UTRN: variants seen among roughly 807,000 people sequenced by gnomAD.
UTRN encodes the protein dystrophin-related protein 1.
UTRN carries 283 observed loss-of-function variants against 463.9 expected under a neutral mutation model. The ratio of observed to expected loss-of-function variants is 0.61; its 90% CI spans 0.55 to 0.67. The LOEUF (loss-of-function observed/expected upper bound fraction) is 0.67, where lower values mean the gene tolerates loss of function less well. Among genes scored for constraint, UTRN ranks in the 30% least tolerant of loss-of-function variants. The probability of loss-of-function intolerance (pLI) is 0.00; values close to 1 mark genes in which losing one functional copy is unlikely to be tolerated. For synonymous variants in UTRN, 1,442 were observed against 1,431.5 expected (o/e 1.01, Z -0.17); for missense variants, 3,922 against 4,084.3 (o/e 0.96, Z 1.08).
At chr6:144,830,460 T>G (rs930900776) in intron 69 of UTRN, among the ~76,000 whole-genome samples, 1 of 152,126 alleles carries the variant, frequency 6.6e-6, no homozygotes. Flanking sequence ...TAAAAATAAT[T>G]TATATACATG....
At chr6:144,718,791 G>A (rs1786784969) in intron 53 of UTRN, among the ~76,000 whole-genome samples, 1 of 152,212 alleles carries the variant, frequency 6.6e-6, no homozygotes, top group Non-Finnish European at 1.5e-5. Context: ...AGCCTTCCAT[G>A]AGGGCTCAGT....
intron 61 of UTRN, among the ~76,000 whole-genome samples, chr6:144,783,488 A>T (rs1776036112): frequency 6.6e-6 from 1 of 152,186 alleles, no homozygotes; most frequent in Admixed American, 6.5e-5. Context: ...GTACACAGTG[A>T]TATTTCAATA....
Position 144,744,305 on chromosome 6 carries a change from CATATAT to C in UTRN, c.7940-3930_7940-3925del, listed in dbSNP as rs367840531. On this transcript the variant is annotated intron_variant, in intron 54 of 74. Coordinates refer to ENST00000367545, the MANE Select transcript of UTRN (RefSeq NM_007124.3). ...CTGACTAAAAAAAAAATGGTGTATA[CATATAT>C]ATATATATATGTGTGTGTGTGTGTG... Among the ~76,000 whole-genome samples the C allele has an allele frequency of 5.1e-5, 5 of 97,382 alleles. No homozygotes were observed. The East Asian group carries it at 1.2e-3, about 23-fold the overall frequency. 63.9% of individuals were successfully genotyped at this position (97,382 alleles called of 152,430 possible).
chr6:144,447,315 G>A lies in UTRN; in HGVS notation c.1719G>A (p.Leu573=), dbSNP rs1293610597. ...AACTAAGTGTCAGTGTTCGACGTCTGGCTGTAAGTGATGGGGTTGTCAGCA... is the reference window on the plus strand; with the variant it reads ...AACTAAGTGTCAGTGTTCGACGTCTAGCTGTAAGTGATGGGGTTGTCAGCA... ...QKELSVSVRR[L]AILKEDMEMK... Residue 573 remains leucine, a synonymous_variant, in exon 15 of 75, where the codon CTG becomes CTA. Transcript: ENST00000367545. 6.2e-7 allele frequency: 1 copy of A among 1,612,658 alleles called. No homozygotes were observed. The highest frequency in any genetic ancestry group is 1.3e-5 in the African/African-American group (1 of 74,952).
At chr6:144,592,280 T>C (rs192806494) in intron 51 of UTRN, among the ~76,000 whole-genome samples, 1 of 152,316 alleles carries the variant, frequency 6.6e-6, no homozygotes, top group Admixed American at 6.5e-5. Context: ...TATACATCAT[T>C]AAGTGCATCC....
chr6:144,815,625 C>T (rs994315138), intron 65 of UTRN, among the ~76,000 whole-genome samples: 2 of 152,208 alleles, frequency 1.3e-5, no homozygotes, highest in East Asian at 1.9e-4. Flanking sequence ...GCTTCCAGCA[C>T]GGAAAAAGAT....
intron 66 of UTRN, among the ~76,000 whole-genome samples, chr6:144,823,711 G>C (rs892463119): frequency 3.3e-5 from 5 of 152,050 alleles, no homozygotes; most frequent in Admixed American, 6.6e-5. Context: ...AATGAGTAGA[G>C]TTTGATTAAA....
At chr6:144,423,928 C>A in intron 5 of UTRN, 58 bp from the exon 6 acceptor site, 2 of 1,541,020 alleles carry the variant, frequency 1.3e-6, no homozygotes, top group Non-Finnish European at 8.9e-7. Flanking sequence ...ACCTGGAGTT[C>A]TGTGAAGAAA....
chr6:144,411,999 G>A (rs1185715025), intron 3 of UTRN, among the ~76,000 whole-genome samples: 1 of 152,270 alleles, frequency 6.6e-6, no homozygotes, highest in South Asian at 2.1e-4. Flanking sequence ...TTATTGCAGT[G>A]CCCTCATTTT....
intron 53 of UTRN, among the ~76,000 whole-genome samples, chr6:144,717,728 C>T (rs759496626): frequency 2.4e-4 from 35 of 148,094 alleles, no homozygotes; most frequent in Admixed American, 3.5e-4. Context: ...CTCCGCCTCC[C>T]GGGTCCAAAT....
intron 2 of UTRN, among the ~76,000 whole-genome samples, chr6:144,388,308 T>A (rs900596385): frequency 6.6e-6 from 1 of 151,746 alleles, no homozygotes; most frequent in African/African-American, 2.4e-5. Context: ...ATATCATTTT[T>A]TTAACCTTTT....
At chr6:144,444,417 T>A (rs1225118368) in intron 14 of UTRN, 35 bp downstream of exon 14, 1 of 1,525,630 alleles carries the variant, frequency 6.6e-7, no homozygotes, top group African/African-American at 1.4e-5. Context: ...GCAAAATAAA[T>A]GGTGAAAAGT....
intron 53 of UTRN, among the ~76,000 whole-genome samples, chr6:144,724,367 T>C (rs1415321555): frequency 6.6e-6 from 1 of 151,426 alleles, no homozygotes; most frequent in Non-Finnish European, 1.5e-5. Flanking sequence ...TAGCTGGGAC[T>C]ACAGGCACCC....
intron 51 of UTRN, among the ~76,000 whole-genome samples, chr6:144,600,192 A>C: frequency 6.6e-6 from 1 of 152,220 alleles, no homozygotes; most frequent in East Asian, 1.9e-4. Context: ...AAATTAGACC[A>C]GTTAATATCC....
chr6:144,397,741 A>G (rs1782571863), intron 2 of UTRN, among the ~76,000 whole-genome samples: 1 of 152,150 alleles, frequency 6.6e-6, no homozygotes, highest in Non-Finnish European at 1.5e-5. Flanking sequence ...TTTTCAAGAT[A>G]TATTTTAAAG....
chr6:144,562,554 A>G (rs1002402708), intron 50 of UTRN, among the ~76,000 whole-genome samples: 2 of 152,200 alleles, frequency 1.3e-5, no homozygotes, highest in African/African-American at 4.8e-5. Context: ...TTATGGCTGC[A>G]TAATATTCCT....
chr6:144,672,932 A>G (rs1023028046), intron 51 of UTRN, among the ~76,000 whole-genome samples: 1 of 152,074 alleles, frequency 6.6e-6, no homozygotes, highest in African/African-American at 2.4e-5. Flanking sequence ...GTTAACTGAA[A>G]GATCATTCAG....
chr6:144,794,101 G>T, intron 63 of UTRN, 110 bp downstream of exon 63: 1 of 1,432,856 alleles, frequency 7.0e-7, no homozygotes. Context: ...GGAAGACTTT[G>T]GGTACCATCC....
At chr6:144,474,570 T>C in intron 24 of UTRN, 34 bp from the exon 25 acceptor site, 1 of 1,590,080 alleles carries the variant, frequency 6.3e-7, no homozygotes, top group African/African-American at 1.3e-5. Flanking sequence ...ACTTATATAG[T>C]AATGAACTCA....
Sources: gnomAD v4.1 joint callset for allele counts (sites outside exome capture counted in the v4.1 genomes callset) on GRCh38, gnomAD v4.1.1 for gene constraint, MANE v1.5 for transcripts, NCBI Gene and HGNC (gene_info 2026-07-23, HGNC 2026-07-21) for gene names.